The following CD84 variants were observed in gnomAD, a reference collection of about 807,000 sequenced individuals.
CD84 encodes the protein CD84 molecule.
In CD84, 22 loss-of-function variants were observed where a neutral mutation model predicts 33.8. The ratio of observed to expected loss-of-function variants is 0.65; its 90% CI spans 0.46 to 0.93. CD84 has a LOEUF of 0.93. Ranked by LOEUF, CD84 falls within the 40% of genes least tolerant of loss-of-function variation. The pLI is 0.00. For missense variants in CD84, 400 were observed against 397.6 expected (o/e 1.01, Z -0.05); for synonymous variants, 154 against 145.2 (o/e 1.06, Z -0.44).
chr1:160,555,162 G>A (rs1310445012), intron 2 of CD84, among the ~76,000 whole-genome samples: 1 of 149,632 alleles, frequency 6.7e-6, no homozygotes, highest in African/African-American at 2.5e-5. Flanking sequence ...CTCACTGCAA[G>A]CTCCGCCTCC....
At chr1:160,567,762 A>C (rs1271142855) in intron 1 of CD84, among the ~76,000 whole-genome samples, 1 of 152,158 alleles carries the variant, frequency 6.6e-6, no homozygotes, top group African/African-American at 2.4e-5. Flanking sequence ...ATAGTTTGCC[A>C]AAATTTAAGA....
In CD84 at chr1:160,567,993, C is replaced by T. The variant is rs968211863; in HGVS notation, c.47-2248G>A. 5.3e-5 allele frequency among the ~76,000 whole-genome samples: 8 copies of T among 152,212 alleles called. No homozygotes were observed. In the South Asian group the frequency reaches 8.3e-4, roughly 16 times the overall value. On this transcript the variant is annotated intron_variant, in intron 1 of 6. Coordinates refer to ENST00000368054, the MANE Select transcript of CD84 (RefSeq NM_003874.4). ...ATTTAAACAAGGGGCCCTCCATTTT[C>T]GTTTTGCACTGGGCCTCGCAAATTA...
At chr1:160,578,919 G>A (rs1658132736) in intron 1 of CD84, among the ~76,000 whole-genome samples, 1 of 152,142 alleles carries the variant, frequency 6.6e-6, no homozygotes, top group Non-Finnish European at 1.5e-5. Flanking sequence ...TTATAGAGAT[G>A]AGGCTCAACA....
At chr1:160,575,494 A>AACACAC (rs3078967) in intron 1 of CD84, among the ~76,000 whole-genome samples, 2,599 of 146,760 alleles carry the variant, frequency 0.018, 60 homozygotes, top group African/African-American at 0.059. Flanking sequence ...GTTCCTTCAA[A>AACACAC]ACACACACAC....
At position 160,547,178 on chromosome 1, in the gene CD84, TTCTCTGAG is replaced by T. The variant is rs1655882185; in HGVS notation, c.*1070_*1077del. 5.0e-6 allele frequency: 2 copies of T among 398,814 alleles called. No individual in the cohort carries two copies. 24.7% of individuals were successfully genotyped at this position (398,814 alleles called of 1,614,324 possible). A position where few individuals can be genotyped will look rare whatever the true frequency, so the allele number is the denominator to read the frequency against. On this transcript the variant is annotated 3_prime_UTR_variant, in exon 7 of 7. Coordinates refer to ENST00000368054, the MANE Select transcript of CD84 (RefSeq NM_003874.4). Reference sequence around the variant, plus strand: ...CACTCTGCCTCAGCTTAAACTCTAGTTCTCTGAGTCTTTGGAACTGGGATGAACCCAGT... The same window carrying T: ...CACTCTGCCTCAGCTTAAACTCTAGTTCTTTGGAACTGGGATGAACCCAGT...
chr1:160,575,922 G>A (rs1349276190), intron 1 of CD84, among the ~76,000 whole-genome samples: 1 of 152,164 alleles, frequency 6.6e-6, no homozygotes, highest in African/African-American at 2.4e-5. Context: ...CTGAAGGCCT[G>A]AGTTATCACA....
At chr1:160,574,083 ACT>A (rs1315805259) in intron 1 of CD84, among the ~76,000 whole-genome samples, 1 of 151,096 alleles carries the variant, frequency 6.6e-6, no homozygotes, top group Non-Finnish European at 1.5e-5. Context: ...ACAGGGCAAG[ACT>A]CTGTCTCAAA....
chr1:160,553,105 A>G (rs1221869842), intron 4 of CD84: 2 of 593,308 alleles, frequency 3.4e-6, no homozygotes, highest in East Asian at 2.9e-5. Flanking sequence ...ACACTCGTAC[A>G]GTGAAGCACA....
At chr1:160,550,511 C>T (rs915679559) in intron 5 of CD84, 1 of 510,930 alleles carries the variant, frequency 2.0e-6, no homozygotes, top group Admixed American at 6.4e-5. Context: ...TGCTGCTAGA[C>T]CAGGAGGGGC....
chr1:160,556,548 A>G (rs920348923), intron 2 of CD84, among the ~76,000 whole-genome samples: 1 of 152,280 alleles, frequency 6.6e-6, no homozygotes, highest in Non-Finnish European at 1.5e-5. Context: ...AGCTGGCTAC[A>G]GCCACTGCCT....
At chr1:160,569,074 TC>T (rs1327440825) in intron 1 of CD84, among the ~76,000 whole-genome samples, 2 of 152,272 alleles carry the variant, frequency 1.3e-5, no homozygotes, top group African/African-American at 2.4e-5. Flanking sequence ...ATATTAACAT[TC>T]ATCGTATGTT....
intron 2 of CD84, among the ~76,000 whole-genome samples, chr1:160,556,590 A>T (rs943828449): frequency 6.6e-6 from 1 of 152,238 alleles, no homozygotes; most frequent in Non-Finnish European, 1.5e-5. Flanking sequence ...TCATTGTATT[A>T]TCTTTTGCTC....
intron 1 of CD84, among the ~76,000 whole-genome samples, chr1:160,569,978 A>T (rs1172392483): frequency 1.3e-5 from 2 of 152,142 alleles, no homozygotes; most frequent in African/African-American, 4.8e-5. Flanking sequence ...TGTTTTAGTC[A>T]TTGTAATGTA....
intron 6 of CD84, among the ~76,000 whole-genome samples, chr1:160,549,128 G>A (rs138818004): frequency 6.6e-6 from 1 of 152,042 alleles, no homozygotes; most frequent in Non-Finnish European, 1.5e-5. Context: ...CAAGCAAACT[G>A]CCCTGTGCTT....
intron 1 of CD84, among the ~76,000 whole-genome samples, chr1:160,568,095 C>T (rs185284329): frequency 6.6e-6 from 1 of 152,288 alleles, no homozygotes; most frequent in East Asian, 1.9e-4. Flanking sequence ...AATTGCCACA[C>T]CACTCTGTGG....
At chr1:160,577,277 G>T (rs1441908321) in intron 1 of CD84, among the ~76,000 whole-genome samples, 2 of 152,138 alleles carry the variant, frequency 1.3e-5, no homozygotes, top group Admixed American at 6.6e-5. Flanking sequence ...CCAGGGAAAT[G>T]TGTAAAGTGT....
intron 4 of CD84, chr1:160,552,767 G>A: frequency 6.6e-7 from 1 of 1,518,216 alleles, no homozygotes; most frequent in Non-Finnish European, 8.9e-7. Context: ...GGAGAGTCAG[G>A]AACATGGAAG....
In CD84 at chr1:160,545,119, G is replaced by A. The variant is rs944677900; in HGVS notation, c.*3137C>T. The A allele has an allele frequency of 6.6e-6, 1 of 152,328 alleles. No individual in the cohort carries two copies. Among genetic ancestry groups the A allele is most frequent in the East Asian group, 1.9e-4 (1 of 5,194 alleles). The allele number at this position is 152,328 out of a possible 1,614,324, so 9.4% of individuals were successfully genotyped here. A position where few individuals can be genotyped will look rare whatever the true frequency, so the allele number is the denominator to read the frequency against. ...CATGAATCAGGAGATTCATAGCAGA[G>A]AAACTGAGAGGAGAGACAAGAGTAG... On this transcript the variant is annotated 3_prime_UTR_variant, in exon 7 of 7. Coordinates refer to ENST00000368054, the MANE Select transcript of CD84 (RefSeq NM_003874.4).
chr1:160,576,920 G>A (rs765892280), intron 1 of CD84, among the ~76,000 whole-genome samples: 4 of 152,084 alleles, frequency 2.6e-5, no homozygotes, highest in South Asian at 2.1e-4. Context: ...ATAGAAATAC[G>A]AATGGGGCAG....
Sources: gnomAD v4.1 joint callset for allele counts (sites outside exome capture counted in the v4.1 genomes callset) on GRCh38, gnomAD v4.1.1 for gene constraint, MANE v1.5 for transcripts, NCBI Gene and HGNC (gene_info 2026-07-23, HGNC 2026-07-21) for gene names.